The following CDK14 variants were observed in gnomAD, a reference collection of about 807,000 sequenced individuals.
CDK14 encodes the protein cyclin dependent kinase 14.
In CDK14, 34 loss-of-function variants were observed where a neutral mutation model predicts 60.7. That is an observed-to-expected ratio of 0.56 (90% CI 0.43 to 0.75). CDK14 has a LOEUF of 0.75. Ranked by LOEUF, CDK14 falls within the 30% of genes least tolerant of loss-of-function variation. The probability of loss-of-function intolerance (pLI) is 0.00; values close to 1 mark genes in which losing one functional copy is unlikely to be tolerated. For missense variants in CDK14, 482 were observed against 564.1 expected, an observed-to-expected ratio of 0.85 and a Z score of 1.47; for synonymous variants, 197 against 203.7, an observed-to-expected ratio of 0.97 and a Z score of 0.28.
At chr7:90,829,556 G>T (rs572619982) in intron 5 of CDK14, among the ~76,000 whole-genome samples, 23 of 151,768 alleles carry the variant, frequency 1.5e-4, no homozygotes, top group Non-Finnish European at 2.8e-4. Flanking sequence ...TTTTGAGATG[G>T]AGCCTCACTC....
chr7:90,836,673 A>C (rs1790110648), intron 5 of CDK14, among the ~76,000 whole-genome samples: 1 of 152,222 alleles, frequency 6.6e-6, no homozygotes, highest in Non-Finnish European at 1.5e-5. Flanking sequence ...ATAGTCATTT[A>C]TTATCATTAT....
chr7:90,642,538 A>G (rs1056805724), intron 2 of CDK14, among the ~76,000 whole-genome samples: 1 of 151,948 alleles, frequency 6.6e-6, no homozygotes, highest in African/African-American at 2.4e-5. Context: ...TTTTTTAATT[A>G]AATTTTTATT....
At chr7:90,819,920 C>G (rs2117073422) in intron 5 of CDK14, among the ~76,000 whole-genome samples, 3 of 152,226 alleles carry the variant, frequency 2.0e-5, no homozygotes, top group Middle Eastern at 6.8e-3. Context: ...TTATCAGTTA[C>G]CTTTCCAAAT....
intron 5 of CDK14, among the ~76,000 whole-genome samples, chr7:90,823,923 T>G (rs4728939): frequency 0.97 from 148,307 of 152,278 alleles, 72,246 homozygotes; most frequent in East Asian, 1. Flanking sequence ...TCATATTTCT[T>G]GGAAATAAAA....
At chr7:91,102,035 G>C (rs557739528) in intron 12 of CDK14, among the ~76,000 whole-genome samples, 2 of 152,308 alleles carry the variant, frequency 1.3e-5, no homozygotes, top group East Asian at 1.9e-4. Flanking sequence ...AGACAGACTT[G>C]TCTTTATTGG....
chr7:90,669,350 C>G (rs1313754792), intron 2 of CDK14, among the ~76,000 whole-genome samples: 1 of 152,190 alleles, frequency 6.6e-6, no homozygotes, highest in Non-Finnish European at 1.5e-5. Context: ...GTGAAACTCC[C>G]TACCCACAGT....
intron 7 of CDK14, among the ~76,000 whole-genome samples, chr7:90,916,987 A>G (rs1309992743): frequency 1.3e-5 from 2 of 152,192 alleles, no homozygotes; most frequent in Admixed American, 1.3e-4. Flanking sequence ...TGAAGGTGGT[A>G]CATGTCTGTC....
chr7:90,643,946 G>A (rs969082940), intron 2 of CDK14, among the ~76,000 whole-genome samples: 1 of 151,856 alleles, frequency 6.6e-6, no homozygotes, highest in Non-Finnish European at 1.5e-5. Context: ...TTCAAAATTC[G>A]TATATTGAAG....
rs562577324 is a variant in CDK14, at chr7:90,871,747, C to T, written c.639+8478C>T. 5.3e-5 allele frequency among the ~76,000 whole-genome samples: 8 copies of T among 152,218 alleles called. No individual in the cohort carries two copies. In the South Asian group the frequency reaches 1.0e-3, roughly 20 times the overall value. On this transcript the variant is annotated intron_variant, in intron 6 of 14. Coordinates refer to ENST00000380050, the MANE Select transcript of CDK14 (RefSeq NM_001287135.2). ...TATGTGCTGCCAACTGATACCATGA[C>T]GTAGATGTAAGGTCCCTTCATTTTG...
chr7:90,959,882 C>T (rs1053869876), intron 9 of CDK14, among the ~76,000 whole-genome samples: 1 of 152,006 alleles, frequency 6.6e-6, no homozygotes, highest in Admixed American at 6.6e-5. Context: ...GTTTTATCTC[C>T]CTCTGTAAAG....
intron 2 of CDK14, among the ~76,000 whole-genome samples, chr7:90,725,085 T>C (rs1422495985): frequency 6.6e-6 from 1 of 152,210 alleles, no homozygotes. Flanking sequence ...GACATACTCA[T>C]AGGGTTGATG....
intron 5 of CDK14, among the ~76,000 whole-genome samples, chr7:90,855,719 A>G (rs1017078694): frequency 1.6e-4 from 24 of 152,180 alleles, no homozygotes; most frequent in African/African-American, 5.3e-4. Flanking sequence ...ACCACGTACA[A>G]TTGCTGTGTT....
chr7:90,888,797 A>G (rs1248377634), intron 6 of CDK14, among the ~76,000 whole-genome samples: 1 of 152,180 alleles, frequency 6.6e-6, no homozygotes, highest in Admixed American at 6.5e-5. Context: ...ATATTCAATG[A>G]TCACAGCATT....
At chr7:90,618,940 G>A (rs1799709263) in intron 2 of CDK14, among the ~76,000 whole-genome samples, 1 of 152,156 alleles carries the variant, frequency 6.6e-6, no homozygotes, top group African/African-American at 2.4e-5. Context: ...GAGCAGGGAA[G>A]TAAAAATCTC....
At position 90,745,694 on chromosome 7, in the gene CDK14, G is replaced by T. The variant is rs192663629; in HGVS notation, c.370-1987G>T. ...CTCCCAAAGTGCTGGGATTACAGGT[G>T]TGAGCCACCGTGCTCAGCCTATTTA... On this transcript the variant is annotated intron_variant, in intron 3 of 14. Coordinates refer to ENST00000380050, the MANE Select transcript of CDK14 (RefSeq NM_001287135.2). Among the ~76,000 whole-genome samples the T allele has an allele frequency of 1.9e-3, 295 of 152,296 alleles. 3 individuals carry two copies. The highest frequency in any genetic ancestry group is 3.0e-3 in the Non-Finnish European group (202 of 68,020).
In CDK14 at chr7:90,726,649, A is replaced by C; in HGVS notation, c.206A>C (p.Lys69Thr). 1.9e-6 allele frequency: 3 copies of C among 1,613,880 alleles called. No homozygotes were observed. The African/African-American group carries it at 4.0e-5, about 22-fold the overall frequency. ...CCCCTGGACACAATTCCTGAGGATAAAAAAGTCAGAGTTCAGAGGACACAG... is the reference window on the plus strand; with the variant it reads ...CCCCTGGACACAATTCCTGAGGATACAAAAGTCAGAGTTCAGAGGACACAG... ...IKPLDTIPED[K>T]KVRVQRTQST... Residue 69 changes from lysine to threonine, a missense_variant, in exon 3 of 15, where the codon AAA (lysine) becomes ACA (threonine). Physicochemically the swap from Lys to Thr is moderately conservative, Grantham distance 78 (BLOSUM62 -1). Coordinates refer to ENST00000380050, the MANE Select transcript of CDK14 (RefSeq NM_001287135.2).
At chr7:91,001,599 A>G (rs1299279153) in intron 10 of CDK14, among the ~76,000 whole-genome samples, 2 of 152,244 alleles carry the variant, frequency 1.3e-5, no homozygotes, top group Non-Finnish European at 2.9e-5. Flanking sequence ...AAATATGAAT[A>G]TAAAGAAACT....
chr7:90,764,231 T>C (rs1804445401), intron 4 of CDK14, among the ~76,000 whole-genome samples: 1 of 152,208 alleles, frequency 6.6e-6, no homozygotes, highest in Non-Finnish European at 1.5e-5. Context: ...GTCTGGCAAT[T>C]AGACATGATT....
chr7:90,787,347 C>G (rs1805638288), intron 4 of CDK14, among the ~76,000 whole-genome samples: 1 of 142,592 alleles, frequency 7.0e-6, no homozygotes, highest in African/African-American at 2.6e-5. Flanking sequence ...AATATAAAAA[C>G]TTAAAGGAAA....
Sources: gnomAD v4.1 joint callset for allele counts (sites outside exome capture counted in the v4.1 genomes callset) on GRCh38, gnomAD v4.1.1 for gene constraint, MANE v1.5 for transcripts, NCBI Gene and HGNC (gene_info 2026-07-23, HGNC 2026-07-21) for gene names.